Variants in ABCA8 observed in about 807,000 individuals in gnomAD.
ABCA8 encodes the protein ATP binding cassette subfamily A member 8, also known as ABC-type organic anion transporter ABCA8.
A neutral mutation model predicts 192.3 loss-of-function variants in ABCA8; 177 were observed. The observed-to-expected ratio is 0.92, with a 90% confidence interval of 0.81 to 1.04. The LOEUF (loss-of-function observed/expected upper bound fraction) is 1.04, where lower values mean the gene tolerates loss of function less well. Among genes scored for constraint, ABCA8 ranks in the 50% least tolerant of loss-of-function variants. The pLI is 0.00. For missense variants in ABCA8, 1,915 were observed against 1,904.8 expected, an observed-to-expected ratio of 1.01 and a Z score of -0.10; for synonymous variants, 642 against 690.2, an observed-to-expected ratio of 0.93 and a Z score of 1.09.
chr17:68,883,120 C>T (rs1335826456), intron 29 of ABCA8, among the ~76,000 whole-genome samples: 1 of 152,116 alleles, frequency 6.6e-6, no homozygotes, highest in East Asian at 1.9e-4. Context: ...ATTGACTTTT[C>T]CTCTCCATTC....
intron 23 of ABCA8, 56 bp from the exon 24 acceptor site, chr17:68,891,652 T>C (rs1005293624): frequency 7.5e-7 from 1 of 1,341,864 alleles, no homozygotes; most frequent in Non-Finnish European, 1.0e-6. Flanking sequence ...GTTAATTTTC[T>C]GGAATACATT....
chr17:68,887,925 T>TATATATATATTATATATGGATA, intron 24 of ABCA8, among the ~76,000 whole-genome samples: 2 of 101,014 alleles, frequency 2.0e-5, no homozygotes, highest in Non-Finnish European at 3.8e-5. Flanking sequence ...TATATATATA[T>TATATATATATTATATATGGATA]TATATATGGA....
intron 1 of ABCA8, among the ~76,000 whole-genome samples, chr17:68,952,790 A>C (rs943446308): frequency 1.3e-5 from 2 of 152,156 alleles, no homozygotes; most frequent in Non-Finnish European, 2.9e-5. Context: ...GTAACCAGAG[A>C]GGAGAAGTAC....
chr17:68,935,083 C>T (rs535639611), intron 5 of ABCA8, among the ~76,000 whole-genome samples: 26 of 146,058 alleles, frequency 1.8e-4, no homozygotes, highest in African/African-American at 5.8e-4. Context: ...CACTTTATCA[C>T]CTTTTTTTTT....
chr17:68,886,315 G>T (rs1215526880), intron 26 of ABCA8, among the ~76,000 whole-genome samples: 1 of 152,078 alleles, frequency 6.6e-6, no homozygotes, highest in Non-Finnish European at 1.5e-5. Context: ...CATGGCCATT[G>T]TGCACCTTGT....
At chr17:68,920,913 T>C (rs1010611301) in intron 13 of ABCA8, among the ~76,000 whole-genome samples, 7 of 152,100 alleles carry the variant, frequency 4.6e-5, no homozygotes, top group East Asian at 1.9e-4. Flanking sequence ...ATGTTTATTG[T>C]GGCACTATTC....
At chr17:68,934,692 A>G (rs930655240) in intron 5 of ABCA8, among the ~76,000 whole-genome samples, 1 of 152,210 alleles carries the variant, frequency 6.6e-6, no homozygotes, top group African/African-American at 2.4e-5. Flanking sequence ...TAAGATTTCT[A>G]TGATGATGAG....
At chr17:68,937,300 A>G (rs989993752) in intron 4 of ABCA8, among the ~76,000 whole-genome samples, 185 bp from the exon 5 acceptor site, 1 of 152,128 alleles carries the variant, frequency 6.6e-6, no homozygotes, top group Non-Finnish European at 1.5e-5. Flanking sequence ...TCTAGATGCA[A>G]TCAGAAGAAA....
At chr17:68,888,638 G>C (rs2143360458) in intron 24 of ABCA8, among the ~76,000 whole-genome samples, 1 of 152,288 alleles carries the variant, frequency 6.6e-6, no homozygotes, top group African/African-American at 2.4e-5. Context: ...AATAGCAAGG[G>C]GGGAAGACAT....
Position 68,919,465 on chromosome 17 carries a change from T to C in ABCA8, c.1624A>G (p.Ile542Val). The C allele has an allele frequency of 1.2e-6, 2 of 1,613,412 alleles. No homozygotes were observed. Among genetic ancestry groups the C allele is most frequent in the Non-Finnish European group, 1.7e-6 (2 of 1,179,700 alleles). The change falls in exon 14 of 40, where the codon ATC (isoleucine) becomes GTC (valine). Residue 542 changes from isoleucine to valine, a missense_variant. Coordinates refer to ENST00000586539, the MANE Select transcript of ABCA8 (RefSeq NM_001288985.2). ...LSVPTKGSVT[I>V]YNNKLSEMAD... ...ATTTCTGAAAGCTTATTGTTATAGA[T>C]GGTGACTGAACCTGTAACAAAGGAA... is the stretch of plus-strand genomic sequence containing the variant.
At chr17:68,874,332 T>C (rs1292858597) in intron 37 of ABCA8, among the ~76,000 whole-genome samples, 3 of 152,236 alleles carry the variant, frequency 2.0e-5, no homozygotes, top group Admixed American at 6.5e-5. Context: ...GCCTTCCTAA[T>C]AGAGGATAAT....
intron 17 of ABCA8, 94 bp downstream of exon 17, chr17:68,917,261 AAATAAC>A: frequency 1.4e-6 from 1 of 738,336 alleles, no homozygotes; most frequent in South Asian, 2.6e-5. Context: ...ACAAAACAAA[AAATAAC>A]AATAATACAA....
At chr17:68,954,937 T>C (rs2068673287) in intron 1 of ABCA8, among the ~76,000 whole-genome samples, 1 of 152,324 alleles carries the variant, frequency 6.6e-6, no homozygotes, top group African/African-American at 2.4e-5. Context: ...TTTAAACTTA[T>C]TTCTACACTC....
intron 23 of ABCA8, among the ~76,000 whole-genome samples, chr17:68,891,962 C>CA (rs1458560205): frequency 6.6e-6 from 1 of 152,056 alleles, no homozygotes; most frequent in Non-Finnish European, 1.5e-5. Flanking sequence ...CAGCTTAACT[C>CA]AAAAAATATC....
At chr17:68,954,060 A>C (rs1023703793) in intron 1 of ABCA8, among the ~76,000 whole-genome samples, 4 of 151,562 alleles carry the variant, frequency 2.6e-5, no homozygotes, top group Non-Finnish European at 5.9e-5. Context: ...TTATACTTTA[A>C]GTTTTAGGGT....
intron 1 of ABCA8, among the ~76,000 whole-genome samples, chr17:68,953,962 A>G (rs2068641284): frequency 6.6e-6 from 1 of 152,038 alleles, no homozygotes; most frequent in Non-Finnish European, 1.5e-5. Flanking sequence ...GCCTACAGAG[A>G]GGGCAAAAGT....
At chr17:68,928,204 G>A (rs1198403284) in intron 9 of ABCA8, 141 bp from the exon 10 acceptor site, 1 of 611,390 alleles carries the variant, frequency 1.6e-6, no homozygotes, top group Non-Finnish European at 2.6e-6. Context: ...CTCCTTTATG[G>A]TTCTCAAATC....
In ABCA8 at chr17:68,876,533, G is replaced by A; in HGVS notation, c.4297C>T (p.Leu1433=). The A allele has an allele frequency of 1.9e-6, 3 of 1,614,110 alleles. No individual in the cohort carries two copies. Among genetic ancestry groups the A allele is most frequent in the Non-Finnish European group, 2.5e-6 (3 of 1,179,998 alleles). Residue 1433 remains leucine (L), a synonymous_variant, in exon 35 of 40, where the codon CTG becomes TTG. Coordinates refer to ENST00000586539, the MANE Select transcript of ABCA8 (RefSeq NM_001288985.2). ...AGAAGCACCACTGACGGGTTCCCCAGTATGCTCAGGACAAAGCACAGCTGC... is the reference window on the plus strand; with the variant it reads ...AGAAGCACCACTGACGGGTTCCCCAATATGCTCAGGACAAAGCACAGCTGC... The part of the protein sequence containing the change: ...KRKLCFVLSI[L]GNPSVVLLDE...
chr17:68,945,059 G>A (rs754411774), intron 2 of ABCA8, among the ~76,000 whole-genome samples: 4 of 152,162 alleles, frequency 2.6e-5, no homozygotes, highest in Admixed American at 6.5e-5. Context: ...AAAAGCTATG[G>A]CAGTCTATGG....
Sources: gnomAD v4.1 joint callset for allele counts (sites outside exome capture counted in the v4.1 genomes callset) on GRCh38, gnomAD v4.1.1 for gene constraint, MANE v1.5 for transcripts, NCBI Gene and HGNC (gene_info 2026-07-23, HGNC 2026-07-21) for gene names.